Variants in STAU2 observed in about 807,000 individuals in gnomAD.
The protein encoded by STAU2 is double-stranded RNA-binding protein Staufen homolog 2.
STAU2 carries 20 observed loss-of-function variants against 65.9 expected under a neutral mutation model. The observed-to-expected ratio is 0.30, with a 90% CI of 0.21 to 0.44. The LOEUF (loss-of-function observed/expected upper bound fraction) is 0.44. STAU2 is among the 20% of genes least tolerant of loss of function. The probability of loss-of-function intolerance (pLI) is 1.00; values close to 1 mark genes in which losing one functional copy is unlikely to be tolerated. For synonymous variants in STAU2, 232 were observed against 233.9 expected (o/e 0.99, Z 0.07); for missense variants, 558 against 683.9 (o/e 0.82, Z 2.05).
chr8:73,477,316 G>C (rs974179654), intron 13 of STAU2, among the ~76,000 whole-genome samples: 5 of 152,134 alleles, frequency 3.3e-5, no homozygotes, highest in African/African-American at 1.2e-4. Context: ...TCATCTATTA[G>C]TTAGCTCTGA....
At chr8:73,643,571 C>A (rs888356085) in intron 6 of STAU2, among the ~76,000 whole-genome samples, 1 of 152,154 alleles carries the variant, frequency 6.6e-6, no homozygotes, top group Admixed American at 6.5e-5. Context: ...GTCCTTATGG[C>A]CTCTGACAAT....
chr8:73,570,791 A>G (rs1444628256), intron 12 of STAU2, among the ~76,000 whole-genome samples: 2 of 152,234 alleles, frequency 1.3e-5, no homozygotes, highest in African/African-American at 4.8e-5. Flanking sequence ...GTGGGGGCCA[A>G]TATTCACCAT....
At chr8:73,421,582 T>G in intron 14 of STAU2, 117 bp from the exon 15 acceptor site, 1 of 886,426 alleles carries the variant, frequency 1.1e-6, no homozygotes, top group Non-Finnish European at 1.7e-6. Flanking sequence ...CATTTTAAAG[T>G]GAAACAACAA....
intron 13 of STAU2, among the ~76,000 whole-genome samples, chr8:73,531,206 C>T (rs1312402166): frequency 6.6e-6 from 1 of 152,070 alleles, no homozygotes; most frequent in Non-Finnish European, 1.5e-5. Flanking sequence ...TCTCTGGAGC[C>T]AAAATGAATG....
intron 13 of STAU2, among the ~76,000 whole-genome samples, chr8:73,498,134 C>A (rs894110762): frequency 1.3e-5 from 2 of 151,804 alleles, no homozygotes; most frequent in African/African-American, 4.8e-5. Flanking sequence ...GCAGAGCCAG[C>A]CTGCCACATA....
intron 12 of STAU2, among the ~76,000 whole-genome samples, chr8:73,568,150 C>T (rs951819884): frequency 3.3e-5 from 5 of 152,218 alleles, no homozygotes; most frequent in African/African-American, 1.2e-4. Context: ...ACTACTCTCA[C>T]ATCTCTTATT....
intron 13 of STAU2, among the ~76,000 whole-genome samples, chr8:73,506,179 T>G (rs1438925454): frequency 6.6e-6 from 1 of 152,188 alleles, no homozygotes; most frequent in Admixed American, 6.5e-5. Context: ...CCATTGTGAG[T>G]AGTTTTAGTA....
intron 10 of STAU2, among the ~76,000 whole-genome samples, chr8:73,595,701 G>A (rs563265614): frequency 6.6e-6 from 1 of 152,096 alleles, no homozygotes; most frequent in African/African-American, 2.4e-5. Flanking sequence ...ATTCATATTG[G>A]TGCCATTTAA....
At chr8:73,590,287 T>C (rs976471267) in intron 11 of STAU2, among the ~76,000 whole-genome samples, 12 of 150,418 alleles carry the variant, frequency 8.0e-5, no homozygotes, top group African/African-American at 2.9e-4. Flanking sequence ...ATTAGATACA[T>C]CACAACCAAA....
rs527579327 is a variant in STAU2, at chr8:73,644,338, A to G, written c.411-26887T>C. Among the ~76,000 whole-genome samples the G allele has an allele frequency of 6.6e-5, 10 of 152,264 alleles. No individual in the cohort carries two copies. The South Asian group carries it at 2.1e-3, about 32-fold the overall frequency. On this transcript the variant is annotated intron_variant, in intron 6 of 14. Coordinates refer to ENST00000524300, the MANE Select transcript of STAU2 (RefSeq NM_001164380.2). ...TGTGCACCTGTAGTCCTAGCCACTC[A>G]GGAGGCTGAAGCAGAAGGATCACTT...
intron 13 of STAU2, chr8:73,550,260 C>T (rs1000938933): frequency 5.1e-6 from 5 of 985,092 alleles, no homozygotes; most frequent in African/African-American, 3.5e-5. Flanking sequence ...TAAGCATAAG[C>T]TTTTTAAAAA....
intron 6 of STAU2, among the ~76,000 whole-genome samples, chr8:73,619,077 G>A (rs1030493833): frequency 3.3e-5 from 5 of 152,182 alleles, no homozygotes; most frequent in African/African-American, 4.8e-5. Context: ...CTTCAGGAAA[G>A]AGGTCCAAGA....
intron 11 of STAU2, among the ~76,000 whole-genome samples, chr8:73,589,016 C>A (rs952266204): frequency 6.6e-6 from 1 of 152,114 alleles, no homozygotes; most frequent in African/African-American, 2.4e-5. Flanking sequence ...AGAGAGATAA[C>A]CCCATGCCAT....
intron 5 of STAU2, among the ~76,000 whole-genome samples, chr8:73,673,506 A>C (rs1586242898): frequency 6.6e-6 from 1 of 152,260 alleles, no homozygotes; most frequent in South Asian, 2.1e-4. Flanking sequence ...CATAGTAAAC[A>C]GATGATTCTT....
At chr8:73,470,717 T>C (rs1308358738) in intron 13 of STAU2, among the ~76,000 whole-genome samples, 1 of 151,980 alleles carries the variant, frequency 6.6e-6, no homozygotes, top group Non-Finnish European at 1.5e-5. Context: ...AGTGGGAGGA[T>C]TGCCTAAGTC....
intron 5 of STAU2, among the ~76,000 whole-genome samples, chr8:73,685,760 T>C (rs1818759922): frequency 6.6e-6 from 1 of 152,150 alleles, no homozygotes; most frequent in Admixed American, 6.5e-5. Flanking sequence ...CTTAAAGAAC[T>C]AAAAGTAGAA....
At chr8:73,538,059 T>C (rs1045581835) in intron 13 of STAU2, among the ~76,000 whole-genome samples, 21 of 152,184 alleles carry the variant, frequency 1.4e-4, no homozygotes, top group African/African-American at 4.8e-4. Flanking sequence ...AGGGTTAAGA[T>C]TGTGAAAGAC....
chr8:73,604,056 G>A (rs146714272), intron 9 of STAU2, among the ~76,000 whole-genome samples, 193 bp from the exon 10 acceptor site: 1 of 152,042 alleles, frequency 6.6e-6, no homozygotes, highest in Admixed American at 6.6e-5. Flanking sequence ...TATGGGACTT[G>A]GGGCTTAGAT....
intron 3 of STAU2, among the ~76,000 whole-genome samples, chr8:73,718,033 A>G (rs184149942): frequency 6.6e-6 from 1 of 152,346 alleles, no homozygotes; most frequent in African/African-American, 2.4e-5. Context: ...CATTATTGAG[A>G]TAATAATATG....
Sources: allele counts gnomAD v4.1 joint callset (sites outside exome capture counted in the v4.1 genomes callset), GRCh38; gene constraint gnomAD v4.1.1; transcripts MANE v1.5; gene names NCBI Gene and HGNC (gene_info 2026-07-23, HGNC 2026-07-21).